ARHGAP24: variants seen among roughly 807,000 people sequenced by gnomAD.
The protein encoded by ARHGAP24 is rho GTPase-activating protein 24.
A neutral mutation model predicts 76.4 loss-of-function variants in ARHGAP24; 50 were observed. That is an observed-to-expected ratio of 0.65 (90% CI 0.52 to 0.83). The LOEUF (loss-of-function observed/expected upper bound fraction) is 0.83. Ranked by LOEUF, ARHGAP24 falls within the 40% of genes least tolerant of loss-of-function variation. ARHGAP24 has a pLI of 0.00. For missense variants in ARHGAP24, 930 were observed against 914.2 expected (o/e 1.02, Z -0.22); for synonymous variants, 345 against 323.3 (o/e 1.07, Z -0.72).
intron 1 of ARHGAP24, among the ~76,000 whole-genome samples, chr4:85,531,606 T>C (rs977369519): frequency 6.6e-6 from 1 of 152,130 alleles, no homozygotes; most frequent in African/African-American, 2.4e-5. Context: ...TTAATACTGG[T>C]ATTTCAGTGA....
At chr4:85,627,566 T>C (rs1277547145) in intron 2 of ARHGAP24, among the ~76,000 whole-genome samples, 1 of 152,190 alleles carries the variant, frequency 6.6e-6, no homozygotes, top group African/African-American at 2.4e-5. Flanking sequence ...GATCTCAAGC[T>C]GCGTGCTGGG....
At position 85,937,021 on chromosome 4, in the gene ARHGAP24, A is replaced by T. The variant is rs1350293035; in HGVS notation, c.392-5045A>T. On this transcript the variant is annotated intron_variant, in intron 4 of 9. Coordinates refer to ENST00000395184, the MANE Select transcript of ARHGAP24 (RefSeq NM_001025616.3). ...CAGCTTGTGGGGATTTTATTTTATA[A>T]AAAGGAATGTGGTTGCAAAGACAAG... 3.3e-5 allele frequency among the ~76,000 whole-genome samples: 5 copies of T among 152,284 alleles called. No homozygotes were observed. In the East Asian group the frequency reaches 7.7e-4, roughly 24 times the overall value.
intron 2 of ARHGAP24, among the ~76,000 whole-genome samples, chr4:85,627,571 G>A (rs1721006848): frequency 6.6e-6 from 1 of 152,194 alleles, no homozygotes; most frequent in African/African-American, 2.4e-5. Flanking sequence ...CAAGCTGCGT[G>A]CTGGGAGAAC....
Position 85,529,119 on chromosome 4 carries a change from G to A in ARHGAP24, c.-20-41403G>A, listed in dbSNP as rs560978973. Among the ~76,000 whole-genome samples, 23 of 152,072 alleles carry A rather than the reference G, an allele frequency of 1.5e-4. 1 individual carries two copies. The East Asian group carries it at 4.3e-3, about 28-fold the overall frequency. ...TGGTACATCAGAGTACAAATATTTT[G>A]AAGGTATGTGCACATATAGTAAAAA... On this transcript the variant is annotated intron_variant, in intron 1 of 9. Transcript: ENST00000395184.
chr4:85,774,074 G>C (rs1446323472), intron 3 of ARHGAP24, among the ~76,000 whole-genome samples: 1 of 152,174 alleles, frequency 6.6e-6, no homozygotes, highest in Non-Finnish European at 1.5e-5. Flanking sequence ...ATGGCACTTA[G>C]GGAAAGCCAT....
intron 5 of ARHGAP24, among the ~76,000 whole-genome samples, chr4:85,945,438 C>T (rs941133354): frequency 1.1e-4 from 16 of 150,680 alleles, no homozygotes. Flanking sequence ...AAATAACAAA[C>T]AAATAAAATA....
chr4:85,817,944 C>T (rs1342747951), intron 3 of ARHGAP24, among the ~76,000 whole-genome samples: 4 of 152,072 alleles, frequency 2.6e-5, no homozygotes, highest in Admixed American at 1.3e-4. Flanking sequence ...ACTGATATCA[C>T]GATAGAGTGA....
chr4:85,676,359 CAGAG>C (rs1196299068), intron 2 of ARHGAP24, among the ~76,000 whole-genome samples: 2 of 152,144 alleles, frequency 1.3e-5, no homozygotes, highest in African/African-American at 2.4e-5. Flanking sequence ...TCCAGGGACT[CAGAG>C]AGATCATTTT....
intron 1 of ARHGAP24, among the ~76,000 whole-genome samples, chr4:85,478,569 T>A (rs1178130865): frequency 6.6e-6 from 1 of 152,264 alleles, no homozygotes; most frequent in Non-Finnish European, 1.5e-5. Context: ...AAGTCAGATC[T>A]AACTGTGTAA....
chr4:85,637,971 C>G (rs868771841), intron 2 of ARHGAP24, among the ~76,000 whole-genome samples: 1 of 152,078 alleles, frequency 6.6e-6, no homozygotes, highest in South Asian at 2.1e-4. Context: ...TTTGCCTTGT[C>G]TCCTGAGCAG....
intron 2 of ARHGAP24, among the ~76,000 whole-genome samples, chr4:85,637,635 A>G (rs1160989864): frequency 1.3e-5 from 2 of 152,088 alleles, no homozygotes; most frequent in East Asian, 1.9e-4. Context: ...ACTTTCTACA[A>G]AATAAGAATG....
chr4:85,914,522 C>T (rs1735261857), intron 3 of ARHGAP24, among the ~76,000 whole-genome samples: 1 of 152,070 alleles, frequency 6.6e-6, no homozygotes, highest in Non-Finnish European at 1.5e-5. Context: ...TTTAAGTAAC[C>T]CTGCAATAGA....
intron 3 of ARHGAP24, among the ~76,000 whole-genome samples, chr4:85,748,554 G>A (rs1401683709): frequency 6.6e-6 from 1 of 152,166 alleles, no homozygotes; most frequent in Non-Finnish European, 1.5e-5. Flanking sequence ...AAAATTAACA[G>A]CCAAGTATTT....
intron 3 of ARHGAP24, among the ~76,000 whole-genome samples, chr4:85,791,765 T>G (rs948102541): frequency 7.2e-5 from 11 of 152,190 alleles, no homozygotes; most frequent in African/African-American, 2.7e-4. Context: ...GTTGTAGAAC[T>G]GCTTGTTAGT....
In ARHGAP24 at chr4:85,593,202, C is replaced by G. The variant is rs143737027; in HGVS notation, c.180+22481C>G. Reference sequence around the variant, plus strand: ...TTTTGATTTGTACTTCTCTGATGATCAATGATGTTGAGCACCTTTTCATAT... The same window carrying G: ...TTTTGATTTGTACTTCTCTGATGATGAATGATGTTGAGCACCTTTTCATAT... On this transcript the variant is annotated intron_variant, in intron 2 of 9. Coordinates refer to ENST00000395184, the MANE Select transcript of ARHGAP24 (RefSeq NM_001025616.3). 3.0e-3 allele frequency among the ~76,000 whole-genome samples: 462 copies of G among 152,174 alleles called. 4 individuals carry two copies. The highest frequency in any genetic ancestry group is 0.01 in the African/African-American group (435 of 41,522).
intron 2 of ARHGAP24, among the ~76,000 whole-genome samples, chr4:85,620,988 G>A (rs1720698743): frequency 6.6e-6 from 1 of 151,936 alleles, no homozygotes; most frequent in Admixed American, 6.6e-5. Context: ...ATGTCTGTGT[G>A]TACCCAATAT....
At chr4:85,545,904 T>C (rs907213817) in intron 1 of ARHGAP24, among the ~76,000 whole-genome samples, 2 of 152,156 alleles carry the variant, frequency 1.3e-5, no homozygotes, top group South Asian at 4.1e-4. Context: ...TCTGGGGCTA[T>C]TCTACACTAG....
At chr4:85,652,350 A>C (rs1443543593) in intron 2 of ARHGAP24, among the ~76,000 whole-genome samples, 1 of 152,218 alleles carries the variant, frequency 6.6e-6, no homozygotes, top group African/African-American at 2.4e-5. Flanking sequence ...GACTCCGTCT[A>C]TGAAATGGAG....
At chr4:85,990,541 G>A (rs1361745020) in intron 8 of ARHGAP24, 1 of 151,712 alleles carries the variant, frequency 6.6e-6, no homozygotes, top group East Asian at 1.9e-4. Context: ...TTAGTATAAA[G>A]TCACACATAA....
Sources: gnomAD v4.1 joint callset for allele counts (sites outside exome capture counted in the v4.1 genomes callset) on GRCh38, gnomAD v4.1.1 for gene constraint, MANE v1.5 for transcripts, NCBI Gene and HGNC (gene_info 2026-07-23, HGNC 2026-07-21) for gene names.